Variants in TFB1M observed in about 807,000 individuals in gnomAD.
TFB1M encodes the protein dimethyladenosine transferase 1, mitochondrial.
In TFB1M, 27 loss-of-function variants were observed where a neutral mutation model predicts 31.1. That is an observed-to-expected ratio of 0.87 (90% CI 0.64 to 1.20). The LOEUF (loss-of-function observed/expected upper bound fraction) is 1.20. TFB1M is among the 50% of genes most tolerant of loss of function. The pLI is 0.00. For missense variants in TFB1M, 394 were observed against 418.7 expected, an observed-to-expected ratio of 0.94 and a Z score of 0.51; for synonymous variants, 166 against 151.8, an observed-to-expected ratio of 1.09 and a Z score of -0.69.
rs1370686265 is a variant in TFB1M, at chr6:155,285,295, T to C, written c.547-18A>G. ...GCAAGTCTCTAGAGAGAGACAAAAA[T>C]GAATTTTAGCAAATAATTAGTCCAG... On this transcript the variant is annotated intron_variant, in intron 4 of 6. Transcript: ENST00000367166. The C allele has an allele frequency of 1.2e-6, 2 of 1,613,454 alleles. No individual in the cohort carries two copies. The highest frequency in any genetic ancestry group is 1.1e-5 in the South Asian group (1 of 91,050).
At chr6:155,242,301 C>T in the TFB1M span, among the ~76,000 whole-genome samples, 19,439 of 152,270 alleles carry the variant, frequency 0.13, 1,538 homozygotes, top group Non-Finnish European at 0.19. Flanking sequence ...CACACACCAC[C>T]GTTTCTTCAT....
intron 5 of TFB1M, among the ~76,000 whole-genome samples, chr6:155,263,509 G>A (rs780959121): frequency 2.6e-5 from 4 of 152,296 alleles, no homozygotes; most frequent in Non-Finnish European, 5.9e-5. Flanking sequence ...GTTTCTCAGT[G>A]TTAGCAGCCT....
At chr6:155,292,455 C>T (rs942033413) in intron 4 of TFB1M, among the ~76,000 whole-genome samples, 1 of 152,136 alleles carries the variant, frequency 6.6e-6, no homozygotes, top group African/African-American at 2.4e-5. Flanking sequence ...GCAACTGGGG[C>T]TCACATGGCT....
At chr6:155,231,159 C>T in the TFB1M span, among the ~76,000 whole-genome samples, 1 of 152,120 alleles carries the variant, frequency 6.6e-6, no homozygotes, top group East Asian at 1.9e-4. Context: ...CTTCCCTTAC[C>T]AGTAAATCAC....
intron 4 of TFB1M, among the ~76,000 whole-genome samples, chr6:155,290,382 C>A (rs1335707054): frequency 8.6e-5 from 9 of 104,694 alleles, no homozygotes; most frequent in Non-Finnish European, 1.4e-4. Flanking sequence ...CGGCGAGACT[C>A]GGCCTCAAAA....
At chr6:155,288,564 A>G (rs1287571428) in intron 4 of TFB1M, among the ~76,000 whole-genome samples, 1 of 152,224 alleles carries the variant, frequency 6.6e-6, no homozygotes, top group Non-Finnish European at 1.5e-5. Flanking sequence ...CAATTCAAAA[A>G]AGATCTTATT....
chr6:155,291,160 C>T (rs556457485), intron 4 of TFB1M, among the ~76,000 whole-genome samples: 2 of 152,250 alleles, frequency 1.3e-5, no homozygotes, highest in African/African-American at 4.8e-5. Flanking sequence ...TGAAGTGAGG[C>T]GCAGTCTTGT....
chr6:155,292,501 T>C (rs1039929566), intron 4 of TFB1M, among the ~76,000 whole-genome samples: 2 of 152,008 alleles, frequency 1.3e-5, no homozygotes, highest in African/African-American at 4.8e-5. Flanking sequence ...GTTGGGTGCC[T>C]TCCTCAGAAA....
At chr6:155,241,714 A>T in the TFB1M span, among the ~76,000 whole-genome samples, 1 of 152,174 alleles carries the variant, frequency 6.6e-6, no homozygotes, top group African/African-American at 2.4e-5. Flanking sequence ...AAGGAAAGTT[A>T]GGAGAGATGA....
In TFB1M at chr6:155,256,964, T is replaced by C; in HGVS notation, c.*872A>G. Reference sequence around the variant, plus strand: ...ACCAAGAGGGACAGAGGAACTTTGCTCAAGGCGCAGATCCGTCACCAGTCC... The same window carrying C: ...ACCAAGAGGGACAGAGGAACTTTGCCCAAGGCGCAGATCCGTCACCAGTCC... On this transcript the variant is annotated 3_prime_UTR_variant, in exon 7 of 7. Transcript: ENST00000367166. 1 of 1,614,120 alleles carries C rather than the reference T, an allele frequency of 6.2e-7. No homozygotes were observed.
intron 1 of TFB1M, chr6:155,313,334 T>C (rs1453764758): frequency 6.6e-6 from 1 of 152,182 alleles, no homozygotes; most frequent in African/African-American, 2.4e-5. Flanking sequence ...AAAGACTACA[T>C]GTCCAAGAAA....
chr6:155,294,195 A>G (rs530912776), intron 4 of TFB1M, among the ~76,000 whole-genome samples: 1 of 152,326 alleles, frequency 6.6e-6, no homozygotes, highest in East Asian at 1.9e-4. Context: ...ATACACAGAG[A>G]TCAAACCCGA....
chr6:155,253,204 C>T, downstream of TFB1M: 1 of 623,242 alleles, frequency 1.6e-6, no homozygotes, highest in Non-Finnish European at 2.8e-6. Context: ...TTTTGATGTT[C>T]CTTAGCAGAC....
At chr6:155,255,461 A>C (rs1783941128), downstream of TFB1M, 1 of 152,028 alleles carries the variant, frequency 6.6e-6, no homozygotes, top group Non-Finnish European at 1.5e-5. Context: ...TCGCTTTTTC[A>C]TGTCAAATCA....
intron 5 of TFB1M, among the ~76,000 whole-genome samples, chr6:155,271,729 T>C (rs148573296): frequency 6.6e-6 from 1 of 152,318 alleles, no homozygotes; most frequent in African/African-American, 2.4e-5. Flanking sequence ...GGACATAAAA[T>C]AATACATTAT....
At chr6:155,307,710 T>C (rs986995354) in intron 2 of TFB1M, among the ~76,000 whole-genome samples, 1 of 152,158 alleles carries the variant, frequency 6.6e-6, no homozygotes, top group Non-Finnish European at 1.5e-5. Context: ...TGCTGTGCAA[T>C]TGCAATCTTT....
At chr6:155,249,781 CATT>C in the TFB1M span, 1 of 1,317,838 alleles carries the variant, frequency 7.6e-7, no homozygotes, top group South Asian at 1.4e-5. Context: ...TGACTCCATT[CATT>C]ATTACTGTTG....
the TFB1M span, chr6:155,249,852 A>G: frequency 6.2e-7 from 1 of 1,609,134 alleles, no homozygotes; most frequent in Admixed American, 1.7e-5. Context: ...ATCTTGCAGA[A>G]GCACTAAAGG....
rs770297570 is a variant in TFB1M, at chr6:155,258,034, T to TAACA, written c.839_842dup (p.Leu281PhefsTer22). 15 of 1,614,098 alleles carry TAACA rather than the reference T, an allele frequency of 9.3e-6. No homozygotes were observed. Among genetic ancestry groups the TAACA allele is most frequent in the African/African-American group, 6.7e-5 (5 of 74,918 alleles). ...GAGTAGGGTCTATGTCTGCCAACTC[T>TAACA]AACAGCCTGCCCGTGCTTTCCAAGC... On this transcript the variant is annotated frameshift_variant, in exon 7 of 7. Coordinates refer to ENST00000367166, the MANE Select transcript of TFB1M (RefSeq NM_016020.4). LOFTEE classifies it low-confidence loss of function (END_TRUNC).
Sources: allele counts gnomAD v4.1 joint callset (sites outside exome capture counted in the v4.1 genomes callset), GRCh38; gene constraint gnomAD v4.1.1; transcripts MANE v1.5; gene names NCBI Gene and HGNC (gene_info 2026-07-23, HGNC 2026-07-21).